CNOT2: variants seen among roughly 807,000 people sequenced by gnomAD.
CNOT2 encodes the protein CCR4-NOT transcription complex subunit 2.
Under a neutral mutation model 72.1 loss-of-function variants are expected in CNOT2, and 7 were observed. That is an observed-to-expected ratio of 0.10 (90% CI 0.06 to 0.18). The LOEUF is 0.18. Ranked by LOEUF, CNOT2 falls within the 10% of genes least tolerant of loss-of-function variation. The pLI, the probability that CNOT2 is intolerant of heterozygous loss-of-function variation, is 1.00. For synonymous variants in CNOT2, 196 were observed against 225.6 expected (o/e 0.87, Z 1.17); for missense variants, 345 against 660.3 (o/e 0.52, Z 5.23).
At chr12:70,276,210 A>G (rs1412355639) in intron 1 of CNOT2, among the ~76,000 whole-genome samples, 1 of 152,032 alleles carries the variant, frequency 6.6e-6, no homozygotes, top group African/African-American at 2.4e-5. Flanking sequence ...GTGTTAGCCT[A>G]TAAATTTCAG....
At position 70,354,107 on chromosome 12, in the gene CNOT2, C is replaced by A; in HGVS notation, c.*192C>A. 2 of 1,047,798 alleles carry A rather than the reference C, an allele frequency of 1.9e-6. No individual in the cohort carries two copies. The highest frequency in any genetic ancestry group is 2.5e-6 in the Non-Finnish European group (2 of 793,560). 64.9% of individuals were successfully genotyped at this position (1,047,798 alleles called of 1,614,324 possible). On this transcript the variant is annotated 3_prime_UTR_variant, in exon 16 of 16. Transcript: ENST00000229195. ...TTACTAATTATGTGCTGCCCAACAA[C>A]TAAATTTGTAATTTGTTTTTCTCTA...
At chr12:70,310,869 C>T (rs1438077053) in intron 2 of CNOT2, 26 bp from the exon 3 acceptor site, 3 of 1,604,844 alleles carry the variant, frequency 1.9e-6, no homozygotes. Flanking sequence ...AGTATTACCC[C>T]TGATAAAAGT....
intron 15 of CNOT2, chr12:70,347,798 A>G (rs1334288847): frequency 6.6e-6 from 1 of 152,200 alleles, no homozygotes; most frequent in East Asian, 1.9e-4. Flanking sequence ...TAACAGTTCC[A>G]ATTCATGTGA....
chr12:70,248,104 A>G (rs867980521), intron 1 of CNOT2, among the ~76,000 whole-genome samples: 3 of 152,160 alleles, frequency 2.0e-5, no homozygotes, highest in Admixed American at 6.5e-5. Flanking sequence ...TTGTATGGTT[A>G]TGGCTATTAT....
In CNOT2 at chr12:70,354,121, T is replaced by C. The variant is rs1883213348; in HGVS notation, c.*206T>C. On this transcript the variant is annotated 3_prime_UTR_variant, in exon 16 of 16. Coordinates refer to ENST00000229195, the MANE Select transcript of CNOT2 (RefSeq NM_014515.7). Reference sequence around the variant, plus strand: ...CTGCCCAACAACTAAATTTGTAATTTGTTTTTCTCTAGTTTGAGCAGGGTC... The same window carrying C: ...CTGCCCAACAACTAAATTTGTAATTCGTTTTTCTCTAGTTTGAGCAGGGTC... The C allele has an allele frequency of 4.0e-6, 4 of 991,826 alleles. No homozygotes were observed. Among genetic ancestry groups the C allele is most frequent in the Non-Finnish European group, 5.4e-6 (4 of 743,826 alleles). The allele number at this position is 991,826 out of a possible 1,614,324, so 61.4% of individuals were successfully genotyped here. A position where few individuals can be genotyped will look rare whatever the true frequency, so the allele number is the denominator to read the frequency against.
intron 1 of CNOT2, among the ~76,000 whole-genome samples, chr12:70,254,708 G>A (rs753467378): frequency 6.6e-6 from 1 of 152,070 alleles, no homozygotes; most frequent in African/African-American, 2.4e-5. Flanking sequence ...TAGGCTAGGC[G>A]CAGTAGCTCA....
chr12:70,280,085 G>A (rs1449610704), intron 2 of CNOT2, among the ~76,000 whole-genome samples: 1 of 152,066 alleles, frequency 6.6e-6, no homozygotes, highest in Non-Finnish European at 1.5e-5. Flanking sequence ...AAATTCAAAG[G>A]AATGTTCATC....
At chr12:70,345,485 C>A (rs557311755) in intron 14 of CNOT2, 2 of 152,122 alleles carry the variant, frequency 1.3e-5, no homozygotes, top group African/African-American at 2.4e-5. Context: ...GTCTTAAAAA[C>A]TACCTCATGA....
intron 1 of CNOT2, among the ~76,000 whole-genome samples, chr12:70,257,362 TTTTTTTTTTTC>T (rs951028716): frequency 6.9e-6 from 1 of 144,856 alleles, no homozygotes; most frequent in Admixed American, 6.9e-5. Flanking sequence ...CCCTTTTTTT[TTTTTTTTTTTC>T]TTTTTGAGAC....
intron 4 of CNOT2, among the ~76,000 whole-genome samples, chr12:70,328,991 G>A (rs1018696863): frequency 1.3e-5 from 2 of 151,806 alleles, no homozygotes; most frequent in Admixed American, 6.6e-5. Context: ...AGCTACTTCA[G>A]CAAAGCGGGG....
chr12:70,291,938 A>G (rs1194529743), intron 2 of CNOT2, among the ~76,000 whole-genome samples: 2 of 152,230 alleles, frequency 1.3e-5, no homozygotes, highest in African/African-American at 4.8e-5. Flanking sequence ...CTCCGTCTCA[A>G]AAAAACAAAA....
At chr12:70,342,068 T>C (rs373917317) in intron 11 of CNOT2, 39 bp from the exon 12 acceptor site, 1 of 1,231,722 alleles carries the variant, frequency 8.1e-7, no homozygotes, top group African/African-American at 1.5e-5. Flanking sequence ...AAATCTCTTT[T>C]TCTGGATTTC....
intron 2 of CNOT2, among the ~76,000 whole-genome samples, chr12:70,304,906 TG>T (rs1874945543): frequency 6.6e-6 from 1 of 152,198 alleles, no homozygotes; most frequent in Non-Finnish European, 1.5e-5. Flanking sequence ...GCTGCTGCCT[TG>T]CAGTTTGATC....
chr12:70,350,883 C>T (rs1489709280), intron 15 of CNOT2, among the ~76,000 whole-genome samples: 2 of 151,930 alleles, frequency 1.3e-5, no homozygotes, highest in Non-Finnish European at 2.9e-5. Context: ...GAGAAAACAC[C>T]TCTGCAGTGT....
chr12:70,266,219 G>A (rs903353969), intron 1 of CNOT2, among the ~76,000 whole-genome samples: 1 of 151,920 alleles, frequency 6.6e-6, no homozygotes, highest in African/African-American at 2.4e-5. Context: ...TGAGGCAGTA[G>A]TTCAAGCGGT....
At chr12:70,293,686 G>A (rs1384796798) in intron 2 of CNOT2, among the ~76,000 whole-genome samples, 2 of 151,970 alleles carry the variant, frequency 1.3e-5, no homozygotes, top group Non-Finnish European at 1.5e-5. Flanking sequence ...CCACCTTTAC[G>A]AATTTTAAGT....
At chr12:70,285,665 C>T (rs1473966869) in intron 2 of CNOT2, 1 of 151,388 alleles carries the variant, frequency 6.6e-6, no homozygotes, top group African/African-American at 2.4e-5. Context: ...AAAACTAAAA[C>T]TCGTGAAACA....
chr12:70,243,841 C>T (rs896910310), intron 1 of CNOT2: 1 of 152,126 alleles, frequency 6.6e-6, no homozygotes, highest in African/African-American at 2.4e-5. Context: ...CTCCACTCCC[C>T]TAGGCTCCCG....
chr12:70,243,625 T>G (rs1242085059), intron 1 of CNOT2, 145 bp downstream of exon 1: 1 of 148,826 alleles, frequency 6.7e-6, no homozygotes, highest in African/African-American at 2.5e-5. Context: ...GCCCACCGCT[T>G]CCCGTTGCTT....
Sources: gnomAD v4.1 joint callset for allele counts (sites outside exome capture counted in the v4.1 genomes callset) on GRCh38, gnomAD v4.1.1 for gene constraint, MANE v1.5 for transcripts, NCBI Gene and HGNC (gene_info 2026-07-23, HGNC 2026-07-21) for gene names.